SLC2A9: variants seen among roughly 807,000 people sequenced by gnomAD.
The protein encoded by SLC2A9 is solute carrier family 2 member 9.
Under a neutral mutation model 50.6 loss-of-function variants are expected in SLC2A9, and 39 were observed. That is an observed-to-expected ratio of 0.77 (90% CI 0.60 to 1.01). The LOEUF (loss-of-function observed/expected upper bound fraction) is 1.01, where lower values mean the gene tolerates loss of function less well. Among genes scored for constraint, SLC2A9 ranks in the 50% least tolerant of loss-of-function variants. The pLI is 0.00. For synonymous variants in SLC2A9, 324 were observed against 276.9 expected (o/e 1.17, Z -1.69); for missense variants, 686 against 677.6 (o/e 1.01, Z -0.14).
At chr4:9,903,961 T>C (rs1740148594) in intron 8 of SLC2A9, among the ~76,000 whole-genome samples, 1 of 148,188 alleles carries the variant, frequency 6.7e-6, no homozygotes, top group Non-Finnish European at 1.5e-5. Flanking sequence ...ACATAATATA[T>C]AAACATTATA....
chr4:9,967,322 C>CT (rs1345735830), intron 5 of SLC2A9, among the ~76,000 whole-genome samples: 1 of 151,904 alleles, frequency 6.6e-6, no homozygotes, highest in Non-Finnish European at 1.5e-5. Context: ...TTATAAAAGA[C>CT]TAAATATCAT....
chr4:9,956,359 A>AAC (rs1751287794), intron 5 of SLC2A9, among the ~76,000 whole-genome samples: 1 of 151,932 alleles, frequency 6.6e-6, no homozygotes, highest in Admixed American at 6.6e-5. Flanking sequence ...GGTAGCCTGT[A>AAC]GCCCCAGCTA....
chr4:9,915,257 G>A (rs1003668700), intron 7 of SLC2A9, among the ~76,000 whole-genome samples: 7 of 152,218 alleles, frequency 4.6e-5, no homozygotes, highest in Non-Finnish European at 8.8e-5. Flanking sequence ...ATTTATTTGA[G>A]ACGGAGTTTC....
intron 3 of SLC2A9, among the ~76,000 whole-genome samples, chr4:9,803,581 A>T (rs1180882584): frequency 6.6e-6 from 1 of 152,238 alleles, no homozygotes; most frequent in African/African-American, 2.4e-5. Flanking sequence ...TCCACTATCC[A>T]CCAGGAGAGA....
At chr4:9,831,203 G>T (rs1403540309) in intron 11 of SLC2A9, among the ~76,000 whole-genome samples, 5 of 152,096 alleles carry the variant, frequency 3.3e-5, no homozygotes, top group African/African-American at 1.2e-4. Context: ...GGCTGCTGTG[G>T]GCTGAACTGC....
chr4:10,033,352 C>CA (rs1219103060), intron 1 of SLC2A9, among the ~76,000 whole-genome samples: 12 of 152,198 alleles, frequency 7.9e-5, no homozygotes, highest in Non-Finnish European at 7.3e-5. Context: ...CCTTCTGACT[C>CA]AGATGGCTTC....
At chr4:9,920,280 C>T (rs1187360531) in intron 7 of SLC2A9, 105 bp downstream of exon 7, 13 of 1,234,434 alleles carry the variant, frequency 1.1e-5, no homozygotes, top group Non-Finnish European at 1.5e-5. Flanking sequence ...GTGGCAATGA[C>T]AGAACTGAGA....
chr4:9,856,376 G>A lies in SLC2A9; in HGVS notation c.1292-21368C>T, dbSNP rs114457982. Among the ~76,000 whole-genome samples the A allele has an allele frequency of 4.6e-3, 698 of 152,092 alleles. 6 individuals carry two copies. Among genetic ancestry groups the A allele is most frequent in the African/African-American group, 0.016 (666 of 41,486 alleles). On this transcript the variant is annotated intron_variant, in intron 10 of 11. Transcript: ENST00000264784. ...ATAATAATAAAAAATGCTCAATATC[G>A]GTAATCATTAGAGAAATGCAAATCA...
intron 4 of SLC2A9, among the ~76,000 whole-genome samples, chr4:9,984,097 A>G (rs553502564): frequency 4.6e-5 from 7 of 152,360 alleles, no homozygotes; most frequent in African/African-American, 1.7e-4. Flanking sequence ...ATAGCCATCA[A>G]TAGAAGGAGT....
At chr4:9,930,104 C>T (rs1745628979) in intron 6 of SLC2A9, among the ~76,000 whole-genome samples, 2 of 152,152 alleles carry the variant, frequency 1.3e-5, no homozygotes, top group South Asian at 2.1e-4. Flanking sequence ...GGAATGCTGT[C>T]CTCCCCGCAA....
rs370891760 is a variant in SLC2A9 at position 9,879,500 on chromosome 4, G to T, written c.1291+8067C>A. Reference sequence around the variant, plus strand: ...AGGGAGGGCAGGCAGGGCAGGCAGAGACGACCACATAGGTTCTGTCAAATG... The same window carrying T: ...AGGGAGGGCAGGCAGGGCAGGCAGATACGACCACATAGGTTCTGTCAAATG... On this transcript the variant is annotated intron_variant, in intron 10 of 11. Transcript: ENST00000264784. 17 of 985,224 alleles carry T rather than the reference G, an allele frequency of 1.7e-5. 1 individual carries two copies. The East Asian group carries it at 5.7e-4, about 33-fold the overall frequency. 61.0% of individuals were successfully genotyped at this position (985,224 alleles called of 1,614,324 possible). A position where few individuals can be genotyped will look rare whatever the true frequency, so the allele number is the denominator to read the frequency against.
At chr4:9,835,135 C>T in intron 10 of SLC2A9, 127 bp from the exon 11 acceptor site, 1 of 1,356,260 alleles carries the variant, frequency 7.4e-7, no homozygotes, top group East Asian at 2.4e-5. Flanking sequence ...GTAGTGGGCC[C>T]CAGTTCCTGA....
At chr4:9,900,913 C>T (rs1321150377) in intron 8 of SLC2A9, among the ~76,000 whole-genome samples, 2 of 152,164 alleles carry the variant, frequency 1.3e-5, no homozygotes, top group East Asian at 1.9e-4. Flanking sequence ...TACCTCCCAC[C>T]GGTCCCTCCC....
At chr4:9,835,972 G>A (rs753483923) in intron 10 of SLC2A9, among the ~76,000 whole-genome samples, 12 of 150,354 alleles carry the variant, frequency 8.0e-5, no homozygotes, top group East Asian at 3.9e-4. Flanking sequence ...TTGTTATCCC[G>A]GCTACTCGAG....
At chr4:10,003,519 T>C (rs1485813716) in intron 2 of SLC2A9, among the ~76,000 whole-genome samples, 2 of 152,210 alleles carry the variant, frequency 1.3e-5, no homozygotes, top group Non-Finnish European at 1.5e-5. Flanking sequence ...CTGCATAGCC[T>C]AGGCCCCCTG....
At chr4:9,785,856 G>A (rs1398323070) in intron 3 of SLC2A9, among the ~76,000 whole-genome samples, 2 of 152,190 alleles carry the variant, frequency 1.3e-5, no homozygotes, top group Admixed American at 6.5e-5. Context: ...ACGCCAGGCA[G>A]GGGTAATTGC....
chr4:9,995,296 G>C (rs1292474443), intron 3 of SLC2A9, among the ~76,000 whole-genome samples: 1 of 152,144 alleles, frequency 6.6e-6, no homozygotes, highest in Non-Finnish European at 1.5e-5. Context: ...ATTAATTACT[G>C]CTCTGAAAGT....
At chr4:9,780,609 G>A (rs1263079359) in intron 3 of SLC2A9, among the ~76,000 whole-genome samples, 3 of 152,160 alleles carry the variant, frequency 2.0e-5, no homozygotes, top group African/African-American at 4.8e-5. Context: ...AGGTGTCTGG[G>A]CCAGCAGGTC....
intron 3 of SLC2A9, among the ~76,000 whole-genome samples, chr4:9,801,553 A>G (rs1721406310): frequency 6.6e-6 from 1 of 152,188 alleles, no homozygotes; most frequent in Non-Finnish European, 1.5e-5. Flanking sequence ...TAACCCAGTG[A>G]GTCTCATCCC....
Sources: allele counts gnomAD v4.1 joint callset (sites outside exome capture counted in the v4.1 genomes callset), GRCh38; gene constraint gnomAD v4.1.1; transcripts MANE v1.5; gene names NCBI Gene and HGNC (gene_info 2026-07-23, HGNC 2026-07-21).